The following RBFOX1 variants were observed in gnomAD, a reference collection of about 807,000 sequenced individuals.
The protein encoded by RBFOX1 is RNA binding protein fox-1 homolog 1.
In RBFOX1, 8 loss-of-function variants were observed where a neutral mutation model predicts 57.7. That is an observed-to-expected ratio of 0.14 (90% CI 0.08 to 0.25). The LOEUF (loss-of-function observed/expected upper bound fraction) is 0.25. RBFOX1 is among the 10% of genes least tolerant of loss of function. RBFOX1 has a pLI of 1.00. For missense variants in RBFOX1, 611 were observed against 548.5 expected, an observed-to-expected ratio of 1.11 and a Z score of -1.14; for synonymous variants, 326 against 222.4, an observed-to-expected ratio of 1.47 and a Z score of -4.15.
intron 3 of RBFOX1, among the ~76,000 whole-genome samples, chr16:6,725,133 C>CTCTGCGTCCCGGGTTCACGCCAT (rs1156344161): frequency 1.4e-5 from 2 of 142,942 alleles, no homozygotes. Flanking sequence ...TCACTGCAAG[C>CTCTGCGTCCCGGGTTCACGCCAT]TCTGCGTCCC....
intron 4 of RBFOX1, among the ~76,000 whole-genome samples, chr16:5,969,957 G>T (rs556616858): frequency 6.6e-6 from 1 of 152,108 alleles, no homozygotes; most frequent in African/African-American, 2.4e-5. Flanking sequence ...GACCACATCT[G>T]TTGCTTCGCA....
At chr16:5,486,798 T>C (rs1198502187) in intron 2 of RBFOX1, among the ~76,000 whole-genome samples, 1 of 152,054 alleles carries the variant, frequency 6.6e-6, no homozygotes, top group Non-Finnish European at 1.5e-5. Context: ...TGTTTTTTTT[T>C]TTCTTTTAAC....
At chr16:6,956,265 G>C (rs1424307974) in intron 3 of RBFOX1, among the ~76,000 whole-genome samples, 1 of 152,140 alleles carries the variant, frequency 6.6e-6, no homozygotes, top group Non-Finnish European at 1.5e-5. Flanking sequence ...CAGGCACAAA[G>C]AGCTGGGTGA....
chr16:5,478,662 C>T (rs1381276950), intron 2 of RBFOX1, among the ~76,000 whole-genome samples: 1 of 152,128 alleles, frequency 6.6e-6, no homozygotes, highest in African/African-American at 2.4e-5. Flanking sequence ...CTTTCCAGAC[C>T]CGCTTTCTGC....
At chr16:7,697,636 C>T (rs138146203) in intron 14 of RBFOX1, among the ~76,000 whole-genome samples, 1 of 152,152 alleles carries the variant, frequency 6.6e-6, no homozygotes, top group Admixed American at 6.5e-5. Context: ...AACATACACT[C>T]AGGTCCAGAA....
intron 1 of RBFOX1, among the ~76,000 whole-genome samples, chr16:6,109,071 T>G (rs932825519): frequency 6.6e-6 from 1 of 152,198 alleles, no homozygotes; most frequent in Non-Finnish European, 1.5e-5. Context: ...TAAAACTTGA[T>G]TTTCCATTGT....
At chr16:5,450,507 C>T (rs1020867897) in intron 1 of RBFOX1, among the ~76,000 whole-genome samples, 1 of 152,194 alleles carries the variant, frequency 6.6e-6, no homozygotes, top group Non-Finnish European at 1.5e-5. Flanking sequence ...TGGGGCGGGC[C>T]TCTCTGGCAT....
At chr16:7,138,259 C>T (rs2072609082) in intron 4 of RBFOX1, among the ~76,000 whole-genome samples, 1 of 152,006 alleles carries the variant, frequency 6.6e-6, no homozygotes, top group Admixed American at 6.6e-5. Context: ...TGAGAGGGTG[C>T]AGATATAAAG....
chr16:5,841,819 G>T (rs184067858), intron 3 of RBFOX1, among the ~76,000 whole-genome samples: 1 of 152,188 alleles, frequency 6.6e-6, no homozygotes, highest in Admixed American at 6.5e-5. Flanking sequence ...TCTACTCGCA[G>T]ACTAAAAGAA....
At chr16:5,285,754 G>T (rs909661890) in intron 1 of RBFOX1, among the ~76,000 whole-genome samples, 5 of 152,062 alleles carry the variant, frequency 3.3e-5, no homozygotes, top group African/African-American at 1.2e-4. Context: ...TTATTCAGTG[G>T]CTTAGACTGC....
chr16:6,097,235 A>G lies in RBFOX1; in HGVS notation c.-127+77243A>G, dbSNP rs930505772. On this transcript the variant is annotated intron_variant, in intron 1 of 15. Coordinates refer to ENST00000550418, the MANE Select transcript of RBFOX1 (RefSeq NM_018723.4). The surrounding 1 kb of genome is among the most constrained non-coding windows in gnomAD (Gnocchi z 5.0). Reference sequence around the variant, plus strand: ...CGTAGCCATGTGGAACTGTGAGTCCATTAAACTTCTTTTTGTTTATAAATT... The same window carrying G: ...CGTAGCCATGTGGAACTGTGAGTCCGTTAAACTTCTTTTTGTTTATAAATT... Among the ~76,000 whole-genome samples, 1 of 152,192 alleles carries G rather than the reference A, an allele frequency of 6.6e-6. No individual in the cohort carries two copies. The highest frequency in any genetic ancestry group is 1.5e-5 in the Non-Finnish European group (1 of 68,034).
At chr16:6,771,089 C>A (rs532275447) in intron 3 of RBFOX1, among the ~76,000 whole-genome samples, 5 of 151,892 alleles carry the variant, frequency 3.3e-5, no homozygotes, top group African/African-American at 1.2e-4. Context: ...TGTTTGGTGT[C>A]CTTATAAGAA....
intron 3 of RBFOX1, among the ~76,000 whole-genome samples, chr16:7,024,719 C>T (rs1249040745): frequency 1.3e-5 from 2 of 152,196 alleles, no homozygotes; most frequent in African/African-American, 4.8e-5. Flanking sequence ...AGCACTCTGT[C>T]CTGCTCTTGT....
intron 4 of RBFOX1, among the ~76,000 whole-genome samples, chr16:7,429,163 A>C (rs2098653928): frequency 6.6e-6 from 1 of 152,170 alleles, no homozygotes; most frequent in African/African-American, 2.4e-5. Flanking sequence ...CACTGTGAAT[A>C]TAATCTTGTG....
chr16:7,279,397 T>A (rs533639517), intron 4 of RBFOX1, among the ~76,000 whole-genome samples: 178 of 152,312 alleles, frequency 1.2e-3, no homozygotes, highest in Non-Finnish European at 2.2e-3. Context: ...TTGAATTCAT[T>A]TCTCTGTGCG....
chr16:6,009,156 C>T (rs148511268), intron 4 of RBFOX1, among the ~76,000 whole-genome samples: 23 of 151,212 alleles, frequency 1.5e-4, no homozygotes, highest in African/African-American at 3.4e-4. Flanking sequence ...CTTGTGCACA[C>T]GGGTTCACAA....
At chr16:6,904,327 G>A (rs182820205) in intron 3 of RBFOX1, among the ~76,000 whole-genome samples, 44 of 152,118 alleles carry the variant, frequency 2.9e-4, no homozygotes, top group African/African-American at 1.0e-3. Flanking sequence ...TAGGCCAGGT[G>A]GGCTGGCTCA....
intron 1 of RBFOX1, chr16:5,260,770 C>T (rs1040172007): frequency 6.6e-5 from 10 of 152,262 alleles, no homozygotes; most frequent in African/African-American, 2.4e-4. Context: ...TTCTTGAGGT[C>T]ATCTTCTTCT....
chr16:7,072,527 C>G (rs1044437010), intron 4 of RBFOX1, among the ~76,000 whole-genome samples: 5 of 152,144 alleles, frequency 3.3e-5, no homozygotes, highest in African/African-American at 1.2e-4. Flanking sequence ...TTTGCAAATA[C>G]CAGTGGCTAT....
Sources: gnomAD v4.1 joint callset for allele counts (sites outside exome capture counted in the v4.1 genomes callset) on GRCh38, gnomAD v4.1.1 for gene constraint, Gnocchi (gnomAD v3.1) non-coding constraint, MANE v1.5 for transcripts, NCBI Gene and HGNC (gene_info 2026-07-23, HGNC 2026-07-21) for gene names.